The following NUAK1 variants were observed in gnomAD, a reference collection of about 807,000 sequenced individuals.
NUAK1 encodes NUAK family SNF1-like kinase 1.
In NUAK1, 26 loss-of-function variants were observed where a neutral mutation model predicts 56.9. The ratio of observed to expected loss-of-function variants is 0.46; its 90% CI spans 0.33 to 0.63. The LOEUF is 0.63. Ranked by LOEUF, NUAK1 falls within the 30% of genes least tolerant of loss-of-function variation. NUAK1 has a pLI of 0.02. For missense variants in NUAK1, 727 were observed against 876.1 expected (o/e 0.83, Z 2.15); for synonymous variants, 337 against 336.0 (o/e 1.00, Z -0.03).
chr12:106,086,910 C>CA (rs1314066934), intron 2 of NUAK1, 25 bp from the exon 3 acceptor site: 2 of 1,600,158 alleles, frequency 1.2e-6, no homozygotes, highest in African/African-American at 2.7e-5. Context: ...CAGCAATACA[C>CA]AAACACCCCG....
chr12:106,128,455 C>T (rs895464430), intron 1 of NUAK1, among the ~76,000 whole-genome samples: 3 of 152,144 alleles, frequency 2.0e-5, no homozygotes, highest in Admixed American at 6.5e-5. Context: ...ATAGATTGGA[C>T]GGTCCACTTC....
intron 2 of NUAK1, among the ~76,000 whole-genome samples, chr12:106,105,605 C>CA (rs1415691336): frequency 6.6e-6 from 1 of 152,014 alleles, no homozygotes; most frequent in Non-Finnish European, 1.5e-5. Context: ...TCTAACTGGA[C>CA]AAAAACCACA....
At position 106,138,713 on chromosome 12, in the gene NUAK1, CG is replaced by C; in HGVS notation, c.-61del. On this transcript the variant is annotated 5_prime_UTR_variant, in exon 1 of 7. Coordinates refer to ENST00000261402, the MANE Select transcript of NUAK1 (RefSeq NM_014840.3). The surrounding 1 kb of genome is among the most constrained non-coding windows in gnomAD (Gnocchi z 5.0). ...AAGACCGGGCACAGCGCTGGGATGT[CG>C]GGGTCCCCACCGAGGGAAGCCGCTG... 7.0e-7 allele frequency: 1 copy of C among 1,437,764 alleles called. No homozygotes were observed. The highest frequency in any genetic ancestry group is 9.1e-7 in the Non-Finnish European group (1 of 1,103,628). 89.1% of individuals were successfully genotyped at this position (1,437,764 alleles called of 1,614,324 possible).
At chr12:106,084,195 T>C (rs2032549316) in intron 3 of NUAK1, among the ~76,000 whole-genome samples, 1 of 152,162 alleles carries the variant, frequency 6.6e-6, no homozygotes, top group Non-Finnish European at 1.5e-5. Flanking sequence ...CCAGAGCCTG[T>C]AAAACAGCAG....
At chr12:106,126,782 C>T (rs1592863521) in intron 1 of NUAK1, among the ~76,000 whole-genome samples, 1 of 152,178 alleles carries the variant, frequency 6.6e-6, no homozygotes, top group African/African-American at 2.4e-5. Flanking sequence ...GATCAAGAAG[C>T]CAAGCTCTCC....
Position 106,084,051 on chromosome 12 carries a change from C to T in NUAK1, c.514-122G>A, listed in dbSNP as rs140525134. ...GACAGATTAAAGAAATGCACCAGCC[C>T]GGTGGTCTTCACCTCCATCCTTCAG... is the stretch of plus-strand genomic sequence containing the variant. On this transcript the variant is annotated intron_variant, in intron 3 of 6. Transcript: ENST00000261402. 771 of 821,768 alleles carry T rather than the reference C, an allele frequency of 9.4e-4. 6 individuals are homozygous for T. In the African/African-American group the frequency reaches 0.012, roughly 12 times the overall value. 50.9% of individuals were successfully genotyped at this position (821,768 alleles called of 1,614,324 possible).
intron 1 of NUAK1, among the ~76,000 whole-genome samples, chr12:106,118,615 A>G (rs1414725857): frequency 6.6e-6 from 1 of 152,220 alleles, no homozygotes; most frequent in African/African-American, 2.4e-5. Context: ...TATAAGAACC[A>G]TTCCCTTACA....
chr12:106,109,555 GAAAAA>G (rs5800702), intron 1 of NUAK1, among the ~76,000 whole-genome samples: 2 of 123,516 alleles, frequency 1.6e-5, no homozygotes, highest in Admixed American at 8.4e-5. Flanking sequence ...GGTTGTTAAG[GAAAAA>G]AAAAAAAAAA....
At chr12:106,103,535 C>T (rs1034411899) in intron 2 of NUAK1, among the ~76,000 whole-genome samples, 1 of 152,176 alleles carries the variant, frequency 6.6e-6, no homozygotes, top group African/African-American at 2.4e-5. Context: ...CTATTTTCCA[C>T]AATTCTTCCC....
chr12:106,096,085 G>C (rs932547289), intron 2 of NUAK1, among the ~76,000 whole-genome samples: 1 of 152,160 alleles, frequency 6.6e-6, no homozygotes, highest in Non-Finnish European at 1.5e-5. Context: ...GCATGCTGGT[G>C]ACTGCCTGCG....
chr12:106,107,713 C>T (rs1232959220), intron 1 of NUAK1, among the ~76,000 whole-genome samples: 2 of 152,194 alleles, frequency 1.3e-5, no homozygotes, highest in Admixed American at 6.5e-5. Context: ...TTTAGGAGCA[C>T]GTGCTACTTC....
intron 1 of NUAK1, among the ~76,000 whole-genome samples, chr12:106,119,978 C>A (rs1442152339): frequency 7.8e-6 from 1 of 127,672 alleles, no homozygotes; most frequent in Non-Finnish European, 1.9e-5. Flanking sequence ...CTTCAATTAT[C>A]TGGAAAAAAA....
intron 2 of NUAK1, among the ~76,000 whole-genome samples, chr12:106,087,616 T>C (rs1366238198): frequency 1.3e-5 from 2 of 152,238 alleles, no homozygotes; most frequent in Non-Finnish European, 2.9e-5. Flanking sequence ...TAATAATAAA[T>C]AACAATATAG....
At chr12:106,070,076 C>T (rs2032389453) in intron 6 of NUAK1, among the ~76,000 whole-genome samples, 1 of 152,168 alleles carries the variant, frequency 6.6e-6, no homozygotes, top group South Asian at 2.1e-4. Flanking sequence ...AGAAAGAAAG[C>T]TCGGCAACTT....
rs754405427 is a variant in NUAK1 at position 106,066,826 on chromosome 12, C to T, written c.1962G>A (p.Leu654=). 6.2e-7 allele frequency: 1 copy of T among 1,611,816 alleles called. No homozygotes were observed. Among genetic ancestry groups the T allele is most frequent in the East Asian group, 2.2e-5 (1 of 44,810 alleles). ...DDVTQVYKQA[L]EICSKLN ...GCTAGTTGAGCTTGCTGCAGATCTC[C>T]AGCGCTTGCTTGTAGACCTGAGTCA... The change falls in exon 7 of 7, where the codon CTG becomes CTA. Residue 654 remains leucine, a synonymous_variant. Transcript: ENST00000261402.
intron 1 of NUAK1, among the ~76,000 whole-genome samples, chr12:106,111,375 CT>C (rs920954762): frequency 1.3e-5 from 2 of 152,108 alleles, no homozygotes; most frequent in African/African-American, 4.8e-5. Flanking sequence ...CCAGGGTGTC[CT>C]GGTGTCTTAT....
Position 106,066,914 on chromosome 12 carries a change from A to C in NUAK1, c.1874T>G (p.Leu625Arg). Residue 625 changes from leucine to arginine, a missense_variant, in exon 7 of 7, where the codon CTG (leucine) becomes CGG (arginine). Physicochemically the swap from Leu to Arg is moderately radical, Grantham distance 102 (BLOSUM62 -2). Coordinates refer to ENST00000261402, the MANE Select transcript of NUAK1 (RefSeq NM_014840.3). ...GLQNRPRPQY[L>R]KRYRNRLADS... ...TGCCAGCCGGTTCCGGTACCGCTTC[A>C]GGTACTGGGGCCGGGGCCGGTTCTG... is the stretch of plus-strand genomic sequence containing the variant. The C allele has an allele frequency of 6.2e-7, 1 of 1,614,084 alleles. No homozygotes were observed. Among genetic ancestry groups the C allele is most frequent in the Non-Finnish European group, 8.5e-7 (1 of 1,179,982 alleles).
At chr12:106,126,060 C>T (rs2033022137) in intron 1 of NUAK1, among the ~76,000 whole-genome samples, 1 of 152,008 alleles carries the variant, frequency 6.6e-6, no homozygotes, top group Non-Finnish European at 1.5e-5. Context: ...AAAGCCAAGG[C>T]TGCCTAACGG....
chr12:106,084,352 C>G (rs758343060), intron 3 of NUAK1, among the ~76,000 whole-genome samples: 1 of 152,212 alleles, frequency 6.6e-6, no homozygotes, highest in Non-Finnish European at 1.5e-5. Flanking sequence ...ACAGGCACTC[C>G]TCATCTGTCT....
Sources: allele counts gnomAD v4.1 joint callset (sites outside exome capture counted in the v4.1 genomes callset), GRCh38; gene constraint gnomAD v4.1.1; non-coding constraint Gnocchi (gnomAD v3.1); transcripts MANE v1.5; gene names NCBI Gene and HGNC (gene_info 2026-07-23, HGNC 2026-07-21).